RAD21L1: variants seen among roughly 807,000 people sequenced by gnomAD.
The protein encoded by RAD21L1 is double-strand-break repair protein rad21-like protein 1.
A neutral mutation model predicts 69.0 loss-of-function variants in RAD21L1; 47 were observed. The observed-to-expected ratio is 0.68, with a 90% CI of 0.54 to 0.87. The LOEUF (loss-of-function observed/expected upper bound fraction) is 0.87. Among genes scored for constraint, RAD21L1 ranks in the 40% least tolerant of loss-of-function variants. The pLI, the probability that RAD21L1 is intolerant of heterozygous loss-of-function variation, is 0.00. For synonymous variants in RAD21L1, 177 were observed against 205.8 expected, an observed-to-expected ratio of 0.86 and a Z score of 1.20; for missense variants, 583 against 647.6, an observed-to-expected ratio of 0.90 and a Z score of 1.08.
At position 1,254,564 on chromosome 20, in the gene RAD21L1, T is replaced by C. The variant is rs1381160561; in HGVS notation, c.*107T>C. The C allele has an allele frequency of 1.5e-6, 1 of 668,394 alleles. No homozygotes were observed. The highest frequency in any genetic ancestry group is 2.3e-6 in the Non-Finnish European group (1 of 434,778). 41.4% of individuals were successfully genotyped at this position (668,394 alleles called of 1,614,324 possible). A position where few individuals can be genotyped will look rare whatever the true frequency, so the allele number is the denominator to read the frequency against. ...GCAGCTGAAGGTCTGATCCATTTCA[T>C]AGATAGGCTGACCTACTTCCTCTCT... On this transcript the variant is annotated 3_prime_UTR_variant, in exon 14 of 14. Coordinates refer to ENST00000683101, the MANE Select transcript of RAD21L1 (RefSeq NM_001384355.1).
Position 1,229,888 on chromosome 20 carries a change from A to G in RAD21L1, c.153A>G (p.Ile51Met). The change falls in exon 3 of 14, where the codon ATA (isoleucine) becomes ATG (methionine). Residue 51 changes from isoleucine (I) to methionine (M), a missense_variant. Transcript: ENST00000683101. ...IEKILSPKVK[I>M]ALRTSGHLLL... ...TCAAAAATTATTGAAAGGTGAAAAT[A>G]GCACTTCGAACTTCAGGACACCTTC... 1 of 1,547,742 alleles carries G rather than the reference A, an allele frequency of 6.5e-7. No homozygotes were observed. The highest frequency in any genetic ancestry group is 8.7e-7 in the Non-Finnish European group (1 of 1,144,004).
In RAD21L1 at chr20:1,255,165, C is replaced by A. The variant is rs2087910758; in HGVS notation, c.*708C>A. ...AGTGGGTTTTAGTCTATTTATAGGT[C>A]ACTTAACTTTTTTATTTACTATTTA... On this transcript the variant is annotated 3_prime_UTR_variant, in exon 14 of 14. Transcript: ENST00000683101. Among the ~76,000 whole-genome samples the A allele has an allele frequency of 1.3e-5, 2 of 152,230 alleles. No individual in the cohort carries two copies. Among genetic ancestry groups the A allele is most frequent in the South Asian group, 2.1e-4 (1 of 4,822 alleles).
chr20:1,238,178 G>A lies in RAD21L1; in HGVS notation c.610G>A (p.Gly204Arg). Residue 204 changes from glycine to arginine, a missense_variant, in exon 6 of 14, where the codon GGG becomes AGG. Gly to Arg is a moderately radical substitution (Grantham distance 125). Coordinates refer to ENST00000683101, the MANE Select transcript of RAD21L1 (RefSeq NM_001384355.1). ...ERSLFYDSGD[G>R]FGDEGAAGEM... Reference sequence around the variant, plus strand: ...ATCTCTATTCTATGACAGTGGAGATGGGTTTGGAGATGAAGGAGCTGCAGG... The same window carrying A: ...ATCTCTATTCTATGACAGTGGAGATAGGTTTGGAGATGAAGGAGCTGCAGG... The A allele has an allele frequency of 2.0e-6, 3 of 1,529,512 alleles. No individual in the cohort carries two copies. The highest frequency in any genetic ancestry group is 2.6e-6 in the Non-Finnish European group (3 of 1,132,886). 94.7% of individuals were successfully genotyped at this position (1,529,512 alleles called of 1,614,324 possible).
chr20:1,240,476 G>T, intron 8 of RAD21L1, 42 bp downstream of exon 8: 1 of 1,522,570 alleles, frequency 6.6e-7, no homozygotes, highest in Non-Finnish European at 8.8e-7. Context: ...TTAATACACT[G>T]TTAACTTATT....
chr20:1,231,903 T>C (rs1027469121), intron 4 of RAD21L1, among the ~76,000 whole-genome samples: 5 of 152,230 alleles, frequency 3.3e-5, no homozygotes, highest in African/African-American at 1.2e-4. Flanking sequence ...ACTGAGGAGA[T>C]AGCAGTGAAT....
chr20:1,226,968 A>AG (rs1425676475), intron 1 of RAD21L1, among the ~76,000 whole-genome samples: 1 of 152,128 alleles, frequency 6.6e-6, no homozygotes, highest in Non-Finnish European at 1.5e-5. Context: ...GGAGTGCAGT[A>AG]GGGCGATCGC....
chr20:1,235,522 C>T (rs2087475877), intron 5 of RAD21L1, among the ~76,000 whole-genome samples: 2 of 152,064 alleles, frequency 1.3e-5, no homozygotes, highest in African/African-American at 4.8e-5. Context: ...TTAGAGTCAA[C>T]ATATATAAAA....
chr20:1,253,081 G>A (rs966720985), intron 13 of RAD21L1, among the ~76,000 whole-genome samples: 2 of 152,208 alleles, frequency 1.3e-5, no homozygotes, highest in African/African-American at 4.8e-5. Flanking sequence ...TCAAGGCAGG[G>A]AATAAATGTA....
rs977438151 is a variant in RAD21L1, at chr20:1,246,054, A to G, written c.1309-159A>G. ...GTAACATTTAAGTCAAAGACTGCCT[A>G]TCTGGGGTATTTCAGAGATAATATT... On this transcript the variant is annotated intron_variant, in intron 11 of 13. Coordinates refer to ENST00000683101, the MANE Select transcript of RAD21L1 (RefSeq NM_001384355.1). This position sits in a 1 kb window ranked among gnomAD's most constrained non-coding sequence, Gnocchi z 4.6. Among the ~76,000 whole-genome samples the G allele has an allele frequency of 1.3e-5, 2 of 152,130 alleles. No homozygotes were observed. The highest frequency in any genetic ancestry group is 4.8e-5 in the African/African-American group (2 of 41,440).
intron 1 of RAD21L1, among the ~76,000 whole-genome samples, chr20:1,226,717 A>G (rs2087270693): frequency 1.3e-5 from 2 of 152,200 alleles, no homozygotes; most frequent in South Asian, 2.1e-4. Context: ...AGTCAGTTCA[A>G]TCTGGAGACT....
chr20:1,248,531 TTG>T (rs1233007493), intron 12 of RAD21L1, 93 bp from the exon 13 acceptor site: 3 of 613,122 alleles, frequency 4.9e-6, no homozygotes, highest in Non-Finnish European at 8.6e-6. Flanking sequence ...ATTGTAATAA[TTG>T]TGTTTCTTGT....
At chr20:1,253,087 A>T (rs976794740) in intron 13 of RAD21L1, among the ~76,000 whole-genome samples, 2 of 152,222 alleles carry the variant, frequency 1.3e-5, no homozygotes, top group African/African-American at 4.8e-5. Context: ...CAGGGAATAA[A>T]TGTAGGCTGG....
In RAD21L1 at chr20:1,246,599, T is replaced by C. The variant is rs6078316; in HGVS notation, c.1401+294T>C. 0.067 allele frequency among the ~76,000 whole-genome samples: 10,190 copies of C among 152,258 alleles called. 471 individuals carry two copies. Among genetic ancestry groups the C allele is most frequent in the East Asian group, 0.17 (905 of 5,188 alleles). On this transcript the variant is annotated intron_variant, in intron 12 of 13. Coordinates refer to ENST00000683101, the MANE Select transcript of RAD21L1 (RefSeq NM_001384355.1). This position sits in a 1 kb window ranked among gnomAD's most constrained non-coding sequence, Gnocchi z 4.6. ...CAGGATTTTAAATGTTGAGAATCAC[T>C]GTTTTAAATTATTGATATAACATCT...
At chr20:1,248,115 T>G (rs1454741430) in intron 12 of RAD21L1, among the ~76,000 whole-genome samples, 1 of 149,400 alleles carries the variant, frequency 6.7e-6, no homozygotes, top group Non-Finnish European at 1.5e-5. Flanking sequence ...CACAGATGCC[T>G]TGGACAAGGC....
At chr20:1,241,680 G>A (rs924572053) in intron 8 of RAD21L1, among the ~76,000 whole-genome samples, 1 of 152,038 alleles carries the variant, frequency 6.6e-6, no homozygotes, top group African/African-American at 2.4e-5. Context: ...TGGTTCCCAG[G>A]GCTCCAGCTT....
At chr20:1,252,221 A>G (rs2087847657) in intron 13 of RAD21L1, among the ~76,000 whole-genome samples, 1 of 152,206 alleles carries the variant, frequency 6.6e-6, no homozygotes, top group South Asian at 2.1e-4. Flanking sequence ...TTTTACTCAA[A>G]TGTCTTGTAG....
At chr20:1,247,373 A>T (rs2040119733) in intron 12 of RAD21L1, among the ~76,000 whole-genome samples, 1 of 152,166 alleles carries the variant, frequency 6.6e-6, no homozygotes, top group Non-Finnish European at 1.5e-5. Flanking sequence ...AGTCTCATGG[A>T]TCTTTAACAA....
chr20:1,254,326 G>C lies in RAD21L1; in HGVS notation c.1537G>C (p.Asp513His), dbSNP rs1205468861. 1 of 1,551,222 alleles carries C rather than the reference G, an allele frequency of 6.4e-7. No homozygotes were observed. Among genetic ancestry groups the C allele is most frequent in the South Asian group, 1.2e-5 (1 of 84,008 alleles). The change falls in exon 14 of 14, where the codon GAC becomes CAC. Residue 513 changes from aspartate to histidine, a missense_variant. Asp to His is a moderately conservative substitution (Grantham distance 81). Coordinates refer to ENST00000683101, the MANE Select transcript of RAD21L1 (RefSeq NM_001384355.1). ...FSLMKLCRNS[D>H]RKQAAAKFYS... ...TCTGATGAAGCTCTGTAGAAATAGT[G>C]ACCGAAAACAAGCAGCTGCCAAATT...
In RAD21L1 at chr20:1,239,351, A is replaced by G. The variant is rs1315973748; in HGVS notation, c.686A>G (p.Asp229Gly). The change falls in exon 7 of 14, where the codon GAC becomes GGC. Residue 229 changes from aspartate (D) to glycine (G), a missense_variant. Coordinates refer to ENST00000683101, the MANE Select transcript of RAD21L1 (RefSeq NM_001384355.1). ...GATGATCAGAATATCCTGTTAGAAG[A>G]CATGCATTTGAACAGAGAAATTTCC... Reference protein sequence around the residue: ...LQDDQNILLEDMHLNREISLP... With the variant: ...LQDDQNILLEGMHLNREISLP... The G allele has an allele frequency of 6.5e-7, 1 of 1,550,180 alleles. No individual in the cohort carries two copies. Among genetic ancestry groups the G allele is most frequent in the Non-Finnish European group, 8.7e-7 (1 of 1,145,570 alleles).
Sources: allele counts gnomAD v4.1 joint callset (sites outside exome capture counted in the v4.1 genomes callset), GRCh38; gene constraint gnomAD v4.1.1; non-coding constraint Gnocchi (gnomAD v3.1); transcripts MANE v1.5; gene names NCBI Gene and HGNC (gene_info 2026-07-23, HGNC 2026-07-21).